Variants in AGAP1 observed in about 807,000 individuals in gnomAD.
AGAP1 encodes the protein arf-GAP with GTPase, ANK repeat and PH domain-containing protein 1.
AGAP1 carries 29 observed loss-of-function variants against 105.3 expected under a neutral mutation model. That is an observed-to-expected ratio of 0.28 (90% confidence interval 0.21 to 0.38). The LOEUF (loss-of-function observed/expected upper bound fraction) is 0.38, where lower values mean the gene tolerates loss of function less well. Among genes scored for constraint, AGAP1 ranks in the 10% least tolerant of loss-of-function variants. The pLI is 1.00. For synonymous variants in AGAP1, 509 were observed against 485.9 expected, an observed-to-expected ratio of 1.05 and a Z score of -0.63; for missense variants, 998 against 1,165.1, an observed-to-expected ratio of 0.86 and a Z score of 2.09.
intron 1 of AGAP1, among the ~76,000 whole-genome samples, chr2:235,669,101 T>A (rs1356351405): frequency 6.6e-6 from 1 of 152,084 alleles, no homozygotes; most frequent in Non-Finnish European, 1.5e-5. Flanking sequence ...TTATTGATAA[T>A]TGAAAATGAA....
chr2:235,498,732 G>T (rs949527503), intron 1 of AGAP1, among the ~76,000 whole-genome samples: 2 of 152,194 alleles, frequency 1.3e-5, no homozygotes, highest in African/African-American at 2.4e-5. Context: ...CGATTCCCAG[G>T]TTCCCACGCA....
At position 235,657,374 on chromosome 2, in the gene AGAP1, T is replaced by G. The variant is rs891594498; in HGVS notation, c.164-51805T>G. Reference sequence around the variant, plus strand: ...CCATTACTTTAAGAATAAGTGATGTTGTTGTTGTTGTTATTATTATTTGAG... The same window carrying G: ...CCATTACTTTAAGAATAAGTGATGTGGTTGTTGTTGTTATTATTATTTGAG... On this transcript the variant is annotated intron_variant, in intron 1 of 17. Coordinates refer to ENST00000304032, the MANE Select transcript of AGAP1 (RefSeq NM_001037131.3). Among the ~76,000 whole-genome samples, 49 of 152,110 alleles carry G rather than the reference T, an allele frequency of 3.2e-4. 1 individual carries two copies. Among genetic ancestry groups the G allele is most frequent in the African/African-American group, 8.9e-4 (37 of 41,420 alleles).
At chr2:235,585,534 TG>T (rs560432526) in intron 1 of AGAP1, among the ~76,000 whole-genome samples, 1 of 152,204 alleles carries the variant, frequency 6.6e-6, no homozygotes, top group Non-Finnish European at 1.5e-5. Flanking sequence ...TGGGCATCTC[TG>T]GGGGCCACTG....
At chr2:235,587,168 T>A (rs78092534) in intron 1 of AGAP1, among the ~76,000 whole-genome samples, 3,792 of 152,300 alleles carry the variant, frequency 0.025, 164 homozygotes, top group African/African-American at 0.086. Context: ...TTGATTTCAC[T>A]TGTTAACTGA....
chr2:235,498,695 C>T (rs533166879), intron 1 of AGAP1, among the ~76,000 whole-genome samples: 95 of 152,308 alleles, frequency 6.2e-4, no homozygotes, highest in Non-Finnish European at 1.1e-3. Flanking sequence ...GAGTGATAGC[C>T]CAGCCAGCTC....
At position 235,700,493 on chromosome 2, in the gene AGAP1, T is replaced by C. The variant is rs1950195857; in HGVS notation, c.164-8686T>C. ...TATTATGAGGCACTCAGGAATGCTT[T>C]TGAAGAAACTGTAATGAAAATGAGG... On this transcript the variant is annotated intron_variant, in intron 1 of 17. Transcript: ENST00000304032. This position sits in a 1 kb window ranked among gnomAD's most constrained non-coding sequence, Gnocchi z 6.1. Among the ~76,000 whole-genome samples, 1 of 152,056 alleles carries C rather than the reference T, an allele frequency of 6.6e-6. No homozygotes were observed. The highest frequency in any genetic ancestry group is 2.4e-5 in the African/African-American group (1 of 41,382).
In AGAP1 at chr2:235,625,926, AG is replaced by A. The variant is rs1029958619; in HGVS notation, c.164-83251del. Among the ~76,000 whole-genome samples, 1 of 152,240 alleles carries A rather than the reference AG, an allele frequency of 6.6e-6. No homozygotes were observed. The highest frequency in any genetic ancestry group is 2.4e-5 in the African/African-American group (1 of 41,466). Reference sequence around the variant, plus strand: ...TATTCTTGAAATTCCACACAGAGAAAGGTGTTTCGGGGAAGTAGAATATTAG... The same window carrying A: ...TATTCTTGAAATTCCACACAGAGAAAGTGTTTCGGGGAAGTAGAATATTAG... On this transcript the variant is annotated intron_variant, in intron 1 of 17. Coordinates refer to ENST00000304032, the MANE Select transcript of AGAP1 (RefSeq NM_001037131.3). The surrounding 1 kb of genome is among the most constrained non-coding windows in gnomAD (Gnocchi z 4.0).
In AGAP1 at chr2:235,830,728, C is replaced by T. The variant is rs746305703; in HGVS notation, c.1050+23397C>T. ...CTAACACAGCACTCCTAGTGTTCCT[C>T]ACAGCAGGTGGAAAATGCATTTATA... is the stretch of plus-strand genomic sequence containing the variant. On this transcript the variant is annotated intron_variant, in intron 9 of 17. Coordinates refer to ENST00000304032, the MANE Select transcript of AGAP1 (RefSeq NM_001037131.3). This position sits in a 1 kb window ranked among gnomAD's most constrained non-coding sequence, Gnocchi z 5.5. 7.2e-5 allele frequency among the ~76,000 whole-genome samples: 11 copies of T among 152,200 alleles called. No homozygotes were observed. Among genetic ancestry groups the T allele is most frequent in the Non-Finnish European group, 1.3e-4 (9 of 68,034 alleles).
In AGAP1 at chr2:235,744,818, C is replaced by G; in HGVS notation, c.517C>G (p.Leu173Val). The change falls in exon 5 of 18, where the codon CTG becomes GTG. Residue 173 changes from leucine (L) to valine (V), a missense_variant. Coordinates refer to ENST00000304032, the MANE Select transcript of AGAP1 (RefSeq NM_001037131.3). The surrounding 1 kb of genome is among the most constrained non-coding windows in gnomAD (Gnocchi z 5.2). ...CTATCGGAACACGAGCGAGATTCCT[C>G]TGGTTCTGGTGGGAACCCAGGGTGA... ...ANYRNTSEIP[L>V]VLVGTQDAIS... 2.5e-6 allele frequency: 4 copies of G among 1,614,066 alleles called. No individual in the cohort carries two copies. Among genetic ancestry groups the G allele is most frequent in the Non-Finnish European group, 3.4e-6 (4 of 1,180,026 alleles).
rs578102820 is a variant in AGAP1 at position 235,620,107 on chromosome 2, C to T, written c.164-89072C>T. On this transcript the variant is annotated intron_variant, in intron 1 of 17. Transcript: ENST00000304032. The surrounding 1 kb of genome is among the most constrained non-coding windows in gnomAD (Gnocchi z 4.5). Reference sequence around the variant, plus strand: ...CCTTCTTTGTCACAGCTGAAGCCCTCGCATGCTGGAGACTTGTCATTCTTC... The same window carrying T: ...CCTTCTTTGTCACAGCTGAAGCCCTTGCATGCTGGAGACTTGTCATTCTTC... 3.1e-4 allele frequency among the ~76,000 whole-genome samples: 47 copies of T among 152,278 alleles called. No individual in the cohort carries two copies. The highest frequency in any genetic ancestry group is 3.4e-3 in the Middle Eastern group (1 of 294).
chr2:235,742,500 A>C (rs914297357), intron 4 of AGAP1, among the ~76,000 whole-genome samples: 8 of 152,230 alleles, frequency 5.3e-5, no homozygotes, highest in African/African-American at 1.9e-4. Context: ...ACGTGTTAAA[A>C]GTGAAAACTT....
At position 235,739,045 on chromosome 2, in the gene AGAP1, A is replaced by C. The variant is rs980678970; in HGVS notation, c.311-1918A>C. On this transcript the variant is annotated intron_variant, in intron 3 of 17. Transcript: ENST00000304032. This position sits in a 1 kb window ranked among gnomAD's most constrained non-coding sequence, Gnocchi z 5.3. ...ACTTTTATTAAAGCAGGTTAAAAGA[A>C]CCTTGGCAGAAATTTCAAATAAGAC... Among the ~76,000 whole-genome samples, 2 of 152,196 alleles carry C rather than the reference A, an allele frequency of 1.3e-5. No individual in the cohort carries two copies. Among genetic ancestry groups the C allele is most frequent in the Non-Finnish European group, 2.9e-5 (2 of 68,038 alleles).
chr2:236,062,414 G>C lies in AGAP1; in HGVS notation c.2114+13133G>C, dbSNP rs953630850. Among the ~76,000 whole-genome samples, 1 of 151,408 alleles carries C rather than the reference G, an allele frequency of 6.6e-6. No individual in the cohort carries two copies. Among genetic ancestry groups the C allele is most frequent in the African/African-American group, 2.5e-5 (1 of 40,768 alleles). On this transcript the variant is annotated intron_variant, in intron 16 of 17. Transcript: ENST00000304032. This position sits in a 1 kb window ranked among gnomAD's most constrained non-coding sequence, Gnocchi z 4.2. Reference sequence around the variant, plus strand: ...AGAGCCAGGCTGGTATGGGATTCTAGGAGCATACTCAGGACTCGTATTTTG... The same window carrying C: ...AGAGCCAGGCTGGTATGGGATTCTACGAGCATACTCAGGACTCGTATTTTG...
At chr2:236,011,542 A>G (rs147843770) in intron 13 of AGAP1, among the ~76,000 whole-genome samples, 1 of 152,336 alleles carries the variant, frequency 6.6e-6, no homozygotes, top group Non-Finnish European at 1.5e-5. Context: ...CAGCAAGCAA[A>G]ATAGCAGAAT....
Position 235,877,378 on chromosome 2 carries a change from C to T in AGAP1, c.1051-5967C>T, listed in dbSNP as rs2049796576. Reference sequence around the variant, plus strand: ...TTTGCTGAAACAAAATGACGGCCATCCGTGCCAGGGGTTAGGGATGACGGT... The same window carrying T: ...TTTGCTGAAACAAAATGACGGCCATTCGTGCCAGGGGTTAGGGATGACGGT... On this transcript the variant is annotated intron_variant, in intron 9 of 17. Transcript: ENST00000304032. This position sits in a 1 kb window ranked among gnomAD's most constrained non-coding sequence, Gnocchi z 4.3. Among the ~76,000 whole-genome samples the T allele has an allele frequency of 6.6e-6, 1 of 152,148 alleles. No individual in the cohort carries two copies. Among genetic ancestry groups the T allele is most frequent in the Admixed American group, 6.5e-5 (1 of 15,272 alleles).
chr2:235,880,941 A>G (rs1179441759), intron 9 of AGAP1, among the ~76,000 whole-genome samples: 1 of 152,040 alleles, frequency 6.6e-6, no homozygotes, highest in Non-Finnish European at 1.5e-5. Context: ...ACTTAGTAGC[A>G]TTTTCCTGTG....
Position 235,799,473 on chromosome 2 carries a change from C to T in AGAP1, c.908C>T (p.Thr303Met), listed in dbSNP as rs149256350. ...ATCGATGTTCCTCCCACTGCCAACA[C>T]GCCCACGCCCGTTCGCAAGCAGTCT... is the stretch of plus-strand genomic sequence containing the variant. Reference protein sequence around the residue: ...LRIDVPPTANTPTPVRKQSKR... With the variant: ...LRIDVPPTANMPTPVRKQSKR... Residue 303 changes from threonine (T) to methionine (M), a missense_variant, in exon 8 of 18, where the codon ACG becomes ATG. Physicochemically the swap from Thr to Met is moderately conservative, Grantham distance 81. Transcript: ENST00000304032. The surrounding 1 kb of genome is among the most constrained non-coding windows in gnomAD (Gnocchi z 5.0). 89 of 1,614,112 alleles carry T rather than the reference C, an allele frequency of 5.5e-5. No homozygotes were observed. Among genetic ancestry groups the T allele is most frequent in the Non-Finnish European group, 7.1e-5 (84 of 1,180,050 alleles).
rs769367969 is a variant in AGAP1, at chr2:235,807,242, C to T, written c.961C>T (p.Arg321Trp). The T allele has an allele frequency of 2.5e-6, 4 of 1,610,682 alleles. No individual in the cohort carries two copies. The highest frequency in any genetic ancestry group is 3.4e-6 in the Non-Finnish European group (4 of 1,179,142). ...CAACTTTCCTTTTGCTTTGCAGTCT[C>T]GGAAAGGGAGCGACCCAGACAAAGA... ...SKRRSNLFTS[R>W]KGSDPDKEKK... The change falls in exon 9 of 18, where the codon CGG (arginine) becomes TGG (tryptophan). Residue 321 changes from arginine (R) to tryptophan (W), a missense_variant. Arg to Trp is a moderately radical substitution (Grantham distance 101). This residue lies in a region of AGAP1 where 735 missense variants were observed against 833.4 expected (regional missense o/e 0.88). Transcript: ENST00000304032.
In AGAP1 at chr2:235,553,164, G is replaced by T. The variant is rs1943867088; in HGVS notation, c.163+58315G>T. Among the ~76,000 whole-genome samples the T allele has an allele frequency of 6.6e-6, 1 of 152,068 alleles. No individual in the cohort carries two copies. Among genetic ancestry groups the T allele is most frequent in the South Asian group, 2.1e-4 (1 of 4,812 alleles). On this transcript the variant is annotated intron_variant, in intron 1 of 17. Transcript: ENST00000304032. The surrounding 1 kb of genome is among the most constrained non-coding windows in gnomAD (Gnocchi z 4.5). ...CAAGGGTTGGTGGGAGAAACAGCAG[G>T]TATATTTGAAAACCAAGAAGATGGT...
Sources: allele counts gnomAD v4.1 joint callset (sites outside exome capture counted in the v4.1 genomes callset), GRCh38; gene constraint gnomAD v4.1.1; regional missense constraint gnomAD v4.1.1; non-coding constraint Gnocchi (gnomAD v3.1); transcripts MANE v1.5; gene names NCBI Gene and HGNC (gene_info 2026-07-23, HGNC 2026-07-21).